The following PRKAR2B variants were observed in gnomAD, a reference collection of about 807,000 sequenced individuals.
PRKAR2B encodes protein kinase cAMP-dependent type II regulatory subunit beta, also known as cAMP-dependent protein kinase type II-beta regulatory subunit.
A neutral mutation model predicts 49.9 loss-of-function variants in PRKAR2B; 14 were observed. The ratio of observed to expected loss-of-function variants is 0.28; its 90% confidence interval spans 0.19 to 0.44. The LOEUF (loss-of-function observed/expected upper bound fraction) is 0.44, where lower values mean the gene tolerates loss of function less well. Ranked by LOEUF, PRKAR2B falls within the 20% of genes least tolerant of loss-of-function variation. The pLI, the probability that PRKAR2B is intolerant of heterozygous loss-of-function variation, is 1.00. For missense variants in PRKAR2B, 393 were observed against 537.9 expected, an observed-to-expected ratio of 0.73 and a Z score of 2.67; for synonymous variants, 196 against 197.7, an observed-to-expected ratio of 0.99 and a Z score of 0.07.
At chr7:107,118,841 A>G (rs887802992) in intron 2 of PRKAR2B, among the ~76,000 whole-genome samples, 3 of 152,232 alleles carry the variant, frequency 2.0e-5, no homozygotes, top group African/African-American at 4.8e-5. Context: ...GCACGATGAC[A>G]GCTTTACAGA....
chr7:107,077,604 G>A (rs1361088881), intron 2 of PRKAR2B, among the ~76,000 whole-genome samples: 2 of 152,212 alleles, frequency 1.3e-5, no homozygotes, highest in East Asian at 3.8e-4. Flanking sequence ...ATGGCATGGA[G>A]TGAGCAGATG....
At chr7:107,124,152 A>G (rs1169678001) in intron 3 of PRKAR2B, among the ~76,000 whole-genome samples, 2 of 152,274 alleles carry the variant, frequency 1.3e-5, no homozygotes, top group Non-Finnish European at 2.9e-5. Context: ...TATGAATTCA[A>G]AGAAAATGTA....
chr7:107,095,996 A>G (rs1794829137), intron 2 of PRKAR2B, among the ~76,000 whole-genome samples: 1 of 152,168 alleles, frequency 6.6e-6, no homozygotes, highest in African/African-American at 2.4e-5. Context: ...AGGCTTTGGT[A>G]TGAGGATGAT....
chr7:107,092,694 A>C (rs1794752899), intron 2 of PRKAR2B, among the ~76,000 whole-genome samples: 1 of 148,960 alleles, frequency 6.7e-6, no homozygotes, highest in Non-Finnish European at 1.5e-5. Flanking sequence ...TAAAAAATTT[A>C]TCTATGTATT....
chr7:107,144,174 C>T (rs1406580132), intron 5 of PRKAR2B, among the ~76,000 whole-genome samples: 1 of 151,672 alleles, frequency 6.6e-6, no homozygotes, highest in Non-Finnish European at 1.5e-5. Flanking sequence ...ACCCACTGTC[C>T]TCCTGGGTTC....
chr7:107,125,020 C>T (rs10268708), intron 3 of PRKAR2B, among the ~76,000 whole-genome samples: 3,710 of 151,952 alleles, frequency 0.024, 143 homozygotes, highest in African/African-American at 0.083. Flanking sequence ...AACTTTATGA[C>T]GCTTGAATTT....
intron 2 of PRKAR2B, chr7:107,077,362 T>C (rs1367978660): frequency 6.6e-6 from 1 of 152,198 alleles, no homozygotes; most frequent in Non-Finnish European, 1.5e-5. Context: ...TGATGACTCA[T>C]AGTGTAGTAA....
intron 2 of PRKAR2B, among the ~76,000 whole-genome samples, chr7:107,118,574 A>G (rs1305188053): frequency 6.6e-6 from 1 of 152,228 alleles, no homozygotes; most frequent in African/African-American, 2.4e-5. Context: ...CTGGAGAGGC[A>G]AACAGCTTGT....
intron 4 of PRKAR2B, among the ~76,000 whole-genome samples, chr7:107,140,243 A>T: frequency 6.6e-6 from 1 of 152,198 alleles, no homozygotes; most frequent in Non-Finnish European, 1.5e-5. Flanking sequence ...TTTCTGACAA[A>T]TCTGCCCTAG....
chr7:107,116,174 T>C (rs979138656), intron 2 of PRKAR2B, among the ~76,000 whole-genome samples: 11 of 152,238 alleles, frequency 7.2e-5, no homozygotes, highest in African/African-American at 2.7e-4. Context: ...ATTTATTTCT[T>C]CGGTCATTTT....
chr7:107,126,114 C>A (rs1795480016), intron 3 of PRKAR2B, among the ~76,000 whole-genome samples: 1 of 136,576 alleles, frequency 7.3e-6, no homozygotes, highest in South Asian at 2.4e-4. Flanking sequence ...AAAAAAGAGG[C>A]CAGGCGCGCT....
Position 107,090,152 on chromosome 7 carries a change from C to T in PRKAR2B, c.343+19836C>T, listed in dbSNP as rs149774102. ...ATTGAGATGGCAGGGGTGTGGTTCA[C>T]AGAATCACCAAGTCACAGCAAGGGT... On this transcript the variant is annotated intron_variant, in intron 2 of 10. Coordinates refer to ENST00000265717, the MANE Select transcript of PRKAR2B (RefSeq NM_002736.3). Among the ~76,000 whole-genome samples the T allele has an allele frequency of 5.9e-5, 9 of 152,246 alleles. No homozygotes were observed. In the East Asian group the frequency reaches 1.7e-3, roughly 29 times the overall value.
intron 2 of PRKAR2B, chr7:107,081,875 T>C (rs1376779751): frequency 6.6e-6 from 1 of 152,196 alleles, no homozygotes; most frequent in Admixed American, 6.5e-5. Flanking sequence ...TTATTGACCA[T>C]CAAAAAAGGT....
At chr7:107,108,605 G>A (rs117117515) in intron 2 of PRKAR2B, among the ~76,000 whole-genome samples, 6 of 152,260 alleles carry the variant, frequency 3.9e-5, no homozygotes, top group Non-Finnish European at 8.8e-5. Flanking sequence ...GTGTTGATTG[G>A]TCTTAAATTG....
Position 107,153,215 on chromosome 7 carries a change from C to T in PRKAR2B, c.882C>T (p.Thr294=), listed in dbSNP as rs374686781. ...ERLKVVDVIG[T]KVYNDGEQII... is the part of the protein sequence containing the mutation. ...TGAAAGTAGTAGATGTGATAGGCAC[C>T]AAAGTATACAACGATGGAGAACAAA... is the stretch of plus-strand genomic sequence containing the variant. Residue 294 remains threonine, a synonymous_variant, in exon 8 of 11, where the codon ACC becomes ACT. Transcript: ENST00000265717. 5.6e-6 allele frequency: 9 copies of T among 1,608,344 alleles called. No homozygotes were observed. Among genetic ancestry groups the T allele is most frequent in the Non-Finnish European group, 7.6e-6 (9 of 1,177,256 alleles).
At position 107,124,663 on chromosome 7, in the gene PRKAR2B, A is replaced by G. The variant is rs1041331828; in HGVS notation, c.396+2659A>G. On this transcript the variant is annotated intron_variant, in intron 3 of 10. Coordinates refer to ENST00000265717, the MANE Select transcript of PRKAR2B (RefSeq NM_002736.3). ...TTGAACTCCTGGCCTCAAGTGATCC[A>G]CTCACCTTGGCCTCCCAAACTGTTA... Among the ~76,000 whole-genome samples, 3 of 152,086 alleles carry G rather than the reference A, an allele frequency of 2.0e-5. No individual in the cohort carries two copies. The East Asian group carries it at 5.8e-4, about 29-fold the overall frequency.
intron 2 of PRKAR2B, among the ~76,000 whole-genome samples, chr7:107,073,463 C>G (rs1393881456): frequency 6.6e-6 from 1 of 152,096 alleles, no homozygotes; most frequent in East Asian, 1.9e-4. Context: ...CAGCATCTTA[C>G]TTGGTACAGG....
intron 2 of PRKAR2B, among the ~76,000 whole-genome samples, chr7:107,117,925 A>G (rs1474658958): frequency 3.3e-5 from 5 of 152,226 alleles, no homozygotes; most frequent in Non-Finnish European, 7.3e-5. Flanking sequence ...AGTGTAGTAT[A>G]TACATATATG....
rs569941810 is a variant in PRKAR2B at position 107,152,774 on chromosome 7, C to T, written c.844-403C>T. Reference sequence around the variant, plus strand: ...TGCGTGGTAGACAGCTGATCTTTTCCAGCAGCATATTTCTTTAAATAAGAG... The same window carrying T: ...TGCGTGGTAGACAGCTGATCTTTTCTAGCAGCATATTTCTTTAAATAAGAG... On this transcript the variant is annotated intron_variant, in intron 7 of 10. Coordinates refer to ENST00000265717, the MANE Select transcript of PRKAR2B (RefSeq NM_002736.3). Among the ~76,000 whole-genome samples, 3 of 152,272 alleles carry T rather than the reference C, an allele frequency of 2.0e-5. No individual in the cohort carries two copies. The South Asian group carries it at 6.2e-4, about 32-fold the overall frequency.
Sources: allele counts gnomAD v4.1 joint callset (sites outside exome capture counted in the v4.1 genomes callset), GRCh38; gene constraint gnomAD v4.1.1; transcripts MANE v1.5; gene names NCBI Gene and HGNC (gene_info 2026-07-23, HGNC 2026-07-21).